Variants in RANBP2 observed in about 807,000 individuals in gnomAD.
RANBP2 encodes the protein RAN binding protein 2, also known as E3 SUMO-protein ligase RanBP2.
In RANBP2, 57 loss-of-function variants were observed where a neutral mutation model predicts 303.6. That is an observed-to-expected ratio of 0.19 (90% confidence interval 0.15 to 0.23). The LOEUF is 0.23. Ranked by LOEUF, RANBP2 falls within the 10% of genes least tolerant of loss-of-function variation. RANBP2 has a pLI of 1.00. For missense variants in RANBP2, 3,138 were observed against 3,780.8 expected, an observed-to-expected ratio of 0.83 and a Z score of 4.46; for synonymous variants, 1,167 against 1,301.5, an observed-to-expected ratio of 0.90 and a Z score of 2.23.
chr2:109,316,171 C>T, the RANBP2 span, among the ~76,000 whole-genome samples: 47,345 of 151,910 alleles, frequency 0.31, 9,124 homozygotes, highest in African/African-American at 0.55. Flanking sequence ...GCTGGTTTTG[C>T]TGAACTTTTG....
chr2:109,186,290 C>T, the RANBP2 span, among the ~76,000 whole-genome samples: 1 of 152,252 alleles, frequency 6.6e-6, no homozygotes, highest in Non-Finnish European at 1.5e-5. Flanking sequence ...GTAATCCTGA[C>T]TGCAGCCCTA....
chr2:109,316,620 C>T, the RANBP2 span, among the ~76,000 whole-genome samples: 7 of 152,200 alleles, frequency 4.6e-5, no homozygotes, highest in Admixed American at 4.6e-4. Context: ...CATAGACCTC[C>T]TGCCCCGCCC....
chr2:109,134,387 C>T, the RANBP2 span, among the ~76,000 whole-genome samples: 5 of 152,172 alleles, frequency 3.3e-5, no homozygotes, highest in Admixed American at 1.3e-4. Flanking sequence ...AGAGACCAAA[C>T]GAGTGGTTGA....
Position 108,763,846 on chromosome 2 carries a change from A to G in RANBP2, c.3307A>G (p.Ser1103Gly). ...IGPRNTFNFGSKNVSGISFTE... is the reference protein window; with the variant it reads ...IGPRNTFNFGGKNVSGISFTE... ...GCCTCGAAATACATTCAATTTTGGA[A>G]GCAAAAATGTGTCTGGAATTTCATT... The change falls in exon 20 of 29, where the codon AGC becomes GGC. Residue 1103 changes from serine to glycine, a missense_variant. By Grantham distance (56) the Ser-to-Gly change is moderately conservative. This residue lies in a region of RANBP2 where 403 missense variants were observed against 376.7 expected (regional missense o/e 1.07). Transcript: ENST00000283195. 2 of 1,614,084 alleles carry G rather than the reference A, an allele frequency of 1.2e-6. No individual in the cohort carries two copies. Among genetic ancestry groups the G allele is most frequent in the Non-Finnish European group, 1.7e-6 (2 of 1,179,988 alleles).
chr2:108,877,303 A>C, the RANBP2 span, among the ~76,000 whole-genome samples: 1 of 62,148 alleles, frequency 1.6e-5, no homozygotes, highest in Non-Finnish European at 5.0e-5. Flanking sequence ...CCCCGTCTCT[A>C]CAAAAAAAAA....
the RANBP2 span, among the ~76,000 whole-genome samples, chr2:109,318,365 C>T: frequency 2.0e-5 from 3 of 152,072 alleles, no homozygotes; most frequent in Non-Finnish European, 2.9e-5. Flanking sequence ...TCTGCCCACT[C>T]GCTGCACAGA....
At chr2:108,776,817 A>G (rs1382881833) in intron 24 of RANBP2, among the ~76,000 whole-genome samples, 3 of 152,202 alleles carry the variant, frequency 2.0e-5, no homozygotes, top group Non-Finnish European at 4.4e-5. Context: ...GCTTTAGAGT[A>G]TAGTAGGCTC....
the RANBP2 span, among the ~76,000 whole-genome samples, chr2:109,231,171 A>T: frequency 3.3e-5 from 5 of 152,236 alleles, no homozygotes; most frequent in Admixed American, 1.3e-4. Context: ...GCCAGGCCAG[A>T]GCGGCTTTGC....
chr2:109,042,090 C>T, the RANBP2 span, among the ~76,000 whole-genome samples: 2,653 of 152,208 alleles, frequency 0.017, 34 homozygotes, highest in South Asian at 0.038. Flanking sequence ...ACTTATCTTA[C>T]TTTCTCATAA....
the RANBP2 span, among the ~76,000 whole-genome samples, chr2:109,204,978 C>G: frequency 1.3e-5 from 2 of 152,112 alleles, no homozygotes; most frequent in African/African-American, 4.8e-5. Context: ...GAGGCTGAGG[C>G]AGGAGGATCA....
chr2:109,078,649 T>G, the RANBP2 span, among the ~76,000 whole-genome samples: 1 of 150,080 alleles, frequency 6.7e-6, no homozygotes, highest in Non-Finnish European at 1.5e-5. Flanking sequence ...TAAAATTTGC[T>G]AAGAGAGCAG....
At chr2:109,416,276 T>C in the RANBP2 span, among the ~76,000 whole-genome samples, 1 of 152,004 alleles carries the variant, frequency 6.6e-6, no homozygotes, top group African/African-American at 2.4e-5. Context: ...CACGCTGAAC[T>C]TCCTAGGGCT....
At chr2:109,169,958 T>C in the RANBP2 span, among the ~76,000 whole-genome samples, 1 of 152,316 alleles carries the variant, frequency 6.6e-6, no homozygotes, top group South Asian at 2.1e-4. Context: ...TAAGAGACTT[T>C]AATGTTTTAC....
the RANBP2 span, among the ~76,000 whole-genome samples, chr2:108,961,973 C>T: frequency 5.9e-5 from 9 of 152,330 alleles, no homozygotes; most frequent in African/African-American, 1.4e-4. Context: ...AGAGGGGAAG[C>T]GCAGCTGTAA....
At chr2:109,034,676 A>C in the RANBP2 span, among the ~76,000 whole-genome samples, 1 of 152,188 alleles carries the variant, frequency 6.6e-6, no homozygotes, top group Admixed American at 6.5e-5. Flanking sequence ...TCCTAGATTC[A>C]TTGCAAATAG....
chr2:109,524,243 TG>T, the RANBP2 span, among the ~76,000 whole-genome samples: 9,806 of 152,140 alleles, frequency 0.064, 745 homozygotes, highest in East Asian at 0.24. Context: ...AGGGAGGACC[TG>T]GGGCTCAGAG....
chr2:109,368,453 G>A, the RANBP2 span, among the ~76,000 whole-genome samples: 1 of 151,270 alleles, frequency 6.6e-6, no homozygotes, highest in Non-Finnish European at 1.5e-5. Flanking sequence ...TTTAATGATT[G>A]GCCAATTTTA....
the RANBP2 span, among the ~76,000 whole-genome samples, chr2:108,906,792 G>A: frequency 6.6e-6 from 1 of 152,226 alleles, no homozygotes. Context: ...CCTGGCTGAA[G>A]AGTCCCGGGG....
rs765406023 is a variant in RANBP2 at position 108,764,667 on chromosome 2, A to T, written c.4128A>T (p.Gln1376His). ...CTGCTAAGAAATGTGTATCATGCCA[A>T]AATCTAAACCCAAGCAATAAAGAGC... Reference protein sequence around the residue: ...ASTAKKCVSCQNLNPSNKELV... With the variant: ...ASTAKKCVSCHNLNPSNKELV... Residue 1376 changes from glutamine to histidine, a missense_variant, in exon 20 of 29, where the codon CAA becomes CAT. By Grantham distance (24) the Gln-to-His change is conservative. Transcript: ENST00000283195. 2 of 1,614,104 alleles carry T rather than the reference A, an allele frequency of 1.2e-6. No individual in the cohort carries two copies. The highest frequency in any genetic ancestry group is 1.7e-6 in the Non-Finnish European group (2 of 1,179,986).
Sources: gnomAD v4.1 joint callset for allele counts (sites outside exome capture counted in the v4.1 genomes callset) on GRCh38, gnomAD v4.1.1 for gene constraint, gnomAD v4.1.1 regional missense constraint, MANE v1.5 for transcripts, NCBI Gene and HGNC (gene_info 2026-07-23, HGNC 2026-07-21) for gene names.